The following PURG variants were observed in gnomAD, a reference collection of about 807,000 sequenced individuals.
PURG encodes the protein purine rich element binding protein G, also known as purine-rich element-binding protein gamma.
In PURG, 3 loss-of-function variants were observed where a neutral mutation model predicts 24.3. That is an observed-to-expected ratio of 0.12 (90% CI 0.06 to 0.32). The LOEUF (loss-of-function observed/expected upper bound fraction) is 0.32, where lower values mean the gene tolerates loss of function less well. Among genes scored for constraint, PURG ranks in the 10% least tolerant of loss-of-function variants. PURG has a pLI of 1.00. For missense variants in PURG, 371 were observed against 439.1 expected, an observed-to-expected ratio of 0.84 and a Z score of 1.39; for synonymous variants, 180 against 173.1, an observed-to-expected ratio of 1.04 and a Z score of -0.31.
At chr8:30,996,284 T>C (rs1810426064) in exon 2 of PURG, 1 of 183,036 alleles carries the variant, frequency 5.5e-6, no homozygotes, top group African/African-American at 2.4e-5. Context: ...TTACATGATC[T>C]CTTAAGAAAG....
chr8:31,019,906 C>G (rs1406188812), intron 1 of PURG, among the ~76,000 whole-genome samples: 1 of 151,554 alleles, frequency 6.6e-6, no homozygotes, highest in Non-Finnish European at 1.5e-5. Context: ...GGTGGTGGCT[C>G]ATGCCTATAA....
chr8:31,009,920 G>A (rs1055652055), intron 1 of PURG, among the ~76,000 whole-genome samples: 1 of 151,974 alleles, frequency 6.6e-6, no homozygotes, highest in Non-Finnish European at 1.5e-5. Flanking sequence ...AACATAGTGA[G>A]ACCCTGTGTC....
At chr8:31,027,174 G>C (rs1438500181), downstream of PURG, among the ~76,000 whole-genome samples, 1 of 151,646 alleles carries the variant, frequency 6.6e-6, no homozygotes, top group Non-Finnish European at 1.5e-5. Context: ...AAGGATTTAA[G>C]ATCCTTTTCA....
chr8:31,025,260 C>A (rs1351638386), intron 1 of PURG, among the ~76,000 whole-genome samples: 1 of 151,670 alleles, frequency 6.6e-6, no homozygotes, highest in African/African-American at 2.4e-5. Context: ...TATGCTTTAG[C>A]CTAAATTTAA....
At chr8:31,001,423 A>G (rs566882722) in intron 1 of PURG, among the ~76,000 whole-genome samples, 5 of 152,348 alleles carry the variant, frequency 3.3e-5, no homozygotes, top group African/African-American at 9.6e-5. Flanking sequence ...TGAGCAAGGC[A>G]AAGTTAATGC....
chr8:31,027,780 C>G (rs1192068393), downstream of PURG, among the ~76,000 whole-genome samples: 1 of 151,648 alleles, frequency 6.6e-6, no homozygotes, highest in Non-Finnish European at 1.5e-5. Context: ...CAACAGTTAT[C>G]TAGTTTTCAA....
rs1019113783 is a variant in PURG at position 31,032,379 on chromosome 8, C to G, written c.404G>C (p.Arg135Pro). Residue 135 changes from arginine to proline, a missense_variant, in exon 2 of 2, where the codon CGG (arginine) becomes CCG (proline). By Grantham distance (103) the Arg-to-Pro change is moderately radical. Coordinates refer to ENST00000523392, the MANE Select transcript of PURG (RefSeq NM_001323311.2). This position sits in a 1 kb window ranked among gnomAD's most constrained non-coding sequence, Gnocchi z 5.9. ...HYAHLGLKGH[R>P]QEHGHSKEQG... is the part of the protein sequence containing the mutation. ...CTCTTTGCTGTGGCCATGCTCTTGC[C>G]GGTGGCCTTTCAGGCCCAGGTGGGC... The G allele has an allele frequency of 6.2e-7, 1 of 1,613,580 alleles. No homozygotes were observed. The highest frequency in any genetic ancestry group is 1.1e-5 in the South Asian group (1 of 91,074).
intron 1 of PURG, among the ~76,000 whole-genome samples, chr8:31,015,243 G>A (rs1810838252): frequency 6.6e-6 from 1 of 152,176 alleles, no homozygotes; most frequent in African/African-American, 2.4e-5. Context: ...TTGGTTGCAT[G>A]ACAAGGTGAA....
At chr8:31,000,985 G>A (rs1018863281) in intron 1 of PURG, among the ~76,000 whole-genome samples, 3 of 152,208 alleles carry the variant, frequency 2.0e-5, no homozygotes, top group East Asian at 1.9e-4. Context: ...AATATAATCC[G>A]TTGTTTGTGA....
chr8:31,020,402 A>G (rs909966212), intron 1 of PURG, among the ~76,000 whole-genome samples: 3 of 152,214 alleles, frequency 2.0e-5, no homozygotes, highest in African/African-American at 7.2e-5. Context: ...CTAATATTTA[A>G]TAGTCATTAA....
chr8:31,032,811 C>G lies in PURG; in HGVS notation c.-6-23G>C. The G allele has an allele frequency of 7.3e-7, 1 of 1,378,972 alleles. No individual in the cohort carries two copies. The highest frequency in any genetic ancestry group is 9.4e-7 in the Non-Finnish European group (1 of 1,061,674). The allele number at this position is 1,378,972 out of a possible 1,614,324, so 85.4% of individuals were successfully genotyped here. ...CAGCTGCAAGTAACAAACAGACACA[C>G]GGGATGGGGTGGGGGAGGGGTGTTG... On this transcript the variant is annotated intron_variant, in intron 1 of 1. Coordinates refer to ENST00000523392, the MANE Select transcript of PURG (RefSeq NM_001323311.2). The surrounding 1 kb of genome is among the most constrained non-coding windows in gnomAD (Gnocchi z 5.9).
chr8:31,015,416 T>C (rs1025989903), intron 1 of PURG, among the ~76,000 whole-genome samples: 1 of 152,000 alleles, frequency 6.6e-6, no homozygotes, highest in Non-Finnish European at 1.5e-5. Context: ...CTAGATTGAC[T>C]AAGGCAATTT....
At chr8:31,014,367 T>C (rs1395428506) in intron 1 of PURG, among the ~76,000 whole-genome samples, 4 of 152,212 alleles carry the variant, frequency 2.6e-5, no homozygotes, top group Non-Finnish European at 5.9e-5. Context: ...TTTAGATGTG[T>C]ATTGCTTATA....
intron 1 of PURG, among the ~76,000 whole-genome samples, chr8:31,010,495 C>T (rs2129796670): frequency 6.6e-6 from 1 of 152,276 alleles, no homozygotes. Context: ...ATGAAAGCAA[C>T]AAAATACCTA....
rs554225127 is a variant in PURG, at chr8:31,031,419, T to TCATAGTGC, written c.*312_*319dup. 1.8e-3 allele frequency: 460 copies of TCATAGTGC among 257,702 alleles called. 1 individual carries two copies. The highest frequency in any genetic ancestry group is 9.4e-3 in the African/African-American group (430 of 45,564). 16.0% of individuals were successfully genotyped at this position (257,702 alleles called of 1,614,324 possible). On this transcript the variant is annotated 3_prime_UTR_variant, in exon 2 of 2. Transcript: ENST00000523392. ...ATATGTATCTTTTTTCGGGATTATG[T>TCATAGTGC]CATAGTGCAATGTAAATCTTAGTTA...
downstream of PURG, among the ~76,000 whole-genome samples, chr8:31,030,117 C>T (rs1811165960): frequency 6.6e-6 from 1 of 152,020 alleles, no homozygotes; most frequent in East Asian, 1.9e-4. Flanking sequence ...ATCAAGTTTT[C>T]TTAGTGACCT....
intron 1 of PURG, among the ~76,000 whole-genome samples, chr8:31,006,744 T>C (rs1810659907): frequency 6.6e-6 from 1 of 152,228 alleles, no homozygotes; most frequent in African/African-American, 2.4e-5. Context: ...GCAATTTCCC[T>C]AGTACAATGC....
intron 1 of PURG, among the ~76,000 whole-genome samples, chr8:30,999,917 GC>G (rs1485425667): frequency 2.6e-5 from 4 of 151,800 alleles, no homozygotes; most frequent in Non-Finnish European, 2.9e-5. Context: ...GTTTGTTTAG[GC>G]GAATTTTAGT....
exon 2 of PURG, chr8:30,996,065 T>A (rs1810422476): frequency 6.6e-6 from 1 of 152,242 alleles, no homozygotes. Flanking sequence ...TGGTCTATTA[T>A]AAACAATACA....
Sources: allele counts gnomAD v4.1 joint callset (sites outside exome capture counted in the v4.1 genomes callset), GRCh38; gene constraint gnomAD v4.1.1; non-coding constraint Gnocchi (gnomAD v3.1); transcripts MANE v1.5; gene names NCBI Gene and HGNC (gene_info 2026-07-23, HGNC 2026-07-21).